Variants in CHID1 observed in about 807,000 individuals in gnomAD.
The protein encoded by CHID1 is chitinase domain-containing protein 1.
A neutral mutation model predicts 55.4 loss-of-function variants in CHID1; 44 were observed. The ratio of observed to expected loss-of-function variants is 0.79; its 90% CI spans 0.62 to 1.02. The LOEUF (loss-of-function observed/expected upper bound fraction) is 1.02. Among genes scored for constraint, CHID1 ranks in the 50% least tolerant of loss-of-function variants. The probability of loss-of-function intolerance (pLI) is 0.00; values close to 1 mark genes in which losing one functional copy is unlikely to be tolerated. For missense variants in CHID1, 491 were observed against 515.3 expected (o/e 0.95, Z 0.46); for synonymous variants, 216 against 212.9 (o/e 1.01, Z -0.13).
chr11:902,116 TCA>T (rs747022139), intron 4 of CHID1, 80 bp downstream of exon 4: 375 of 1,507,866 alleles, frequency 2.5e-4, no homozygotes, highest in Middle Eastern at 3.5e-4. Flanking sequence ...ACATACCTAC[TCA>T]CACACACACA....
intron 10 of CHID1, among the ~76,000 whole-genome samples, chr11:872,033 C>T (rs1430503850): frequency 2.6e-5 from 4 of 152,224 alleles, no homozygotes; most frequent in Non-Finnish European, 5.9e-5. Context: ...CAGACCCCAT[C>T]GGGTAGCTCT....
chr11:892,184 C>T (rs1259885860), intron 8 of CHID1, among the ~76,000 whole-genome samples: 1 of 152,226 alleles, frequency 6.6e-6, no homozygotes, highest in East Asian at 1.9e-4. Flanking sequence ...GGTGAGACCC[C>T]AGCCCTGGAC....
At position 893,414 on chromosome 11, in the gene CHID1, G is replaced by A. The variant is rs1850991218; in HGVS notation, c.701+13C>T. 1.9e-6 allele frequency: 3 copies of A among 1,546,234 alleles called. No individual in the cohort carries two copies. The highest frequency in any genetic ancestry group is 1.4e-5 in the African/African-American group (1 of 73,102). ...CTCCACAGCCACCCCCACATCTCAA[G>A]AGCGGCACTTACCCGGGGGTGATGG... On this transcript the variant is annotated intron_variant, in intron 8 of 12. Transcript: ENST00000323578.
chr11:884,862 G>A (rs920579975), intron 8 of CHID1, among the ~76,000 whole-genome samples: 2 of 152,322 alleles, frequency 1.3e-5, no homozygotes, highest in East Asian at 1.9e-4. Context: ...CTGGATGGCC[G>A]CCCTTCCCTC....
upstream of CHID1, among the ~76,000 whole-genome samples, chr11:912,679 C>A (rs562308623): frequency 1.3e-4 from 20 of 152,136 alleles, no homozygotes; most frequent in African/African-American, 4.6e-4. Flanking sequence ...CCCGTCTCTA[C>A]TAAAAATACG....
intron 10 of CHID1, 84 bp from the exon 11 acceptor site, chr11:870,583 G>C: frequency 2.0e-6 from 2 of 980,566 alleles, no homozygotes; most frequent in South Asian, 2.8e-5. Flanking sequence ...GTGGCTCTCA[G>C]CAGGGGCAGG....
chr11:893,604 G>A (rs996732089), intron 7 of CHID1, 85 bp from the exon 8 acceptor site: 23 of 1,113,330 alleles, frequency 2.1e-5, no homozygotes, highest in Non-Finnish European at 1.7e-5. Context: ...CTCAGGGAGG[G>A]GTGGGGCTGG....
At chr11:906,383 C>T (rs761938596) in intron 1 of CHID1, among the ~76,000 whole-genome samples, 5 of 151,942 alleles carry the variant, frequency 3.3e-5, no homozygotes, top group African/African-American at 7.3e-5. Context: ...GGATTATAGG[C>T]GCGTGCCACC....
chr11:874,002 G>A (rs551143251), intron 10 of CHID1, among the ~76,000 whole-genome samples: 7 of 152,098 alleles, frequency 4.6e-5, no homozygotes, highest in Non-Finnish European at 1.0e-4. Context: ...TCAAGTGTGA[G>A]AAAGATGTCC....
chr11:904,972 T>G, intron 1 of CHID1, 113 bp from the exon 2 acceptor site: 1 of 1,183,042 alleles, frequency 8.5e-7, no homozygotes, highest in Non-Finnish European at 1.2e-6. Context: ...CTCATGGCAC[T>G]GGATGGACCC....
rs369018119 is a variant in CHID1, at chr11:906,767, G to A, written c.-43-1908C>T. ...AAGTAGCCTGGGCGCGGGGGCTCAC[G>A]CCTGTAATCACACCACGTCGGGAGG... On this transcript the variant is annotated intron_variant, in intron 1 of 12. Transcript: ENST00000323578. Among the ~76,000 whole-genome samples, 15 of 152,292 alleles carry A rather than the reference G, an allele frequency of 9.8e-5. 1 individual carries two copies. Among genetic ancestry groups the A allele is most frequent in the Admixed American group, 5.9e-4 (9 of 15,290 alleles).
intron 6 of CHID1, among the ~76,000 whole-genome samples, 169 bp from the exon 7 acceptor site, chr11:899,570 G>A (rs571367524): frequency 5.3e-5 from 8 of 152,254 alleles, no homozygotes; most frequent in Non-Finnish European, 1.0e-4. Context: ...GAAGGAGGAA[G>A]TGTGGGGGTC....
In CHID1 at chr11:904,855, G is replaced by T; in HGVS notation, c.-39C>A. Reference sequence around the variant, plus strand: ...CAGTAGGGTCCAACCTCGGGGTCCAGAGGGCTGCAGGGAAAGCAGAGCACA... The same window carrying T: ...CAGTAGGGTCCAACCTCGGGGTCCATAGGGCTGCAGGGAAAGCAGAGCACA... On this transcript the variant is annotated 5_prime_UTR_variant, in exon 2 of 13. In the 5' UTR this introduces an upstream ATG that the reference lacks. Transcript: ENST00000323578. 6.2e-7 allele frequency: 1 copy of T among 1,612,896 alleles called. No homozygotes were observed. The highest frequency in any genetic ancestry group is 8.5e-7 in the Non-Finnish European group (1 of 1,179,876).
rs1164886778 is a variant in CHID1, at chr11:875,798, T to G, written c.960-5299A>C. ...CGCCACGGCAGTGATGAGGACCACG[T>G]GCCTAAGATTCAATCCCTGCTGCTG... is the stretch of plus-strand genomic sequence containing the variant. On this transcript the variant is annotated intron_variant, in intron 10 of 12. Transcript: ENST00000323578. This position sits in a 1 kb window ranked among gnomAD's most constrained non-coding sequence, Gnocchi z 4.7. 6.6e-6 allele frequency among the ~76,000 whole-genome samples: 1 copy of G among 152,142 alleles called. No homozygotes were observed. Among genetic ancestry groups the G allele is most frequent in the Non-Finnish European group, 1.5e-5 (1 of 68,032 alleles).
In CHID1 at chr11:875,754, G is replaced by A. The variant is rs562733443; in HGVS notation, c.960-5255C>T. On this transcript the variant is annotated intron_variant, in intron 10 of 12. Transcript: ENST00000323578. The surrounding 1 kb of genome is among the most constrained non-coding windows in gnomAD (Gnocchi z 4.7). ...GAGGAGGAAAACGCCTAGGTCCACC[G>A]AGTCGTGGCAGCAAAAGACGCCACG... is the stretch of plus-strand genomic sequence containing the variant. Among the ~76,000 whole-genome samples the A allele has an allele frequency of 6.6e-6, 1 of 152,266 alleles. No individual in the cohort carries two copies. The highest frequency in any genetic ancestry group is 1.9e-4 in the East Asian group (1 of 5,172).
chr11:902,064 G>T (rs1277761314), intron 4 of CHID1, 134 bp downstream of exon 4: 9 of 933,112 alleles, frequency 9.6e-6, no homozygotes, highest in Non-Finnish European at 1.3e-5. Flanking sequence ...CTTAAATCAC[G>T]CAGAGACACA....
Position 883,253 on chromosome 11 carries a change from A to G in CHID1, c.854T>C (p.Leu285Pro), listed in dbSNP as rs1252429427. 3.1e-6 allele frequency: 5 copies of G among 1,614,060 alleles called. No individual in the cohort carries two copies. ...GCTTCGCCACTTGGACTTCGGGTCC[A>G]GGACCTGGACGCAGGCTCGAACCCA... ...LSWVRACVQV[L>P]DPKSKWRSKI... Residue 285 changes from leucine (L) to proline (P), a missense_variant, in exon 10 of 13, where the codon CTG (leucine) becomes CCG (proline). By Grantham distance (98) the Leu-to-Pro change is moderately conservative. Coordinates refer to ENST00000323578, the MANE Select transcript of CHID1 (RefSeq NM_023947.4).
At chr11:905,012 A>T (rs1226222006) in intron 1 of CHID1, 153 bp from the exon 2 acceptor site, 1 of 819,626 alleles carries the variant, frequency 1.2e-6, no homozygotes, top group Non-Finnish European at 1.9e-6. Context: ...CCTGACCTGG[A>T]CCAGCCCTGG....
At chr11:897,799 G>A (rs1386715707) in intron 7 of CHID1, among the ~76,000 whole-genome samples, 1 of 152,224 alleles carries the variant, frequency 6.6e-6, no homozygotes, top group Admixed American at 6.5e-5. Context: ...GAGGGAGTGG[G>A]GTCTGGGCAC....
Sources: gnomAD v4.1 joint callset for allele counts (sites outside exome capture counted in the v4.1 genomes callset) on GRCh38, gnomAD v4.1.1 for gene constraint, Gnocchi (gnomAD v3.1) non-coding constraint, MANE v1.5 for transcripts, NCBI Gene and HGNC (gene_info 2026-07-23, HGNC 2026-07-21) for gene names.